The following TENT2 variants were observed in gnomAD, a reference collection of about 807,000 sequenced individuals.
TENT2 encodes terminal nucleotidyltransferase 2.
In TENT2, 44 loss-of-function variants were observed where a neutral mutation model predicts 72.2. The ratio of observed to expected loss-of-function variants is 0.61; its 90% CI spans 0.48 to 0.78. The LOEUF (loss-of-function observed/expected upper bound fraction) is 0.78. Among genes scored for constraint, TENT2 ranks in the 30% least tolerant of loss-of-function variants. The pLI, the probability that TENT2 is intolerant of heterozygous loss-of-function variation, is 0.00. For missense variants in TENT2, 541 were observed against 569.6 expected (o/e 0.95, Z 0.51); for synonymous variants, 212 against 192.5 (o/e 1.10, Z -0.84).
At chr5:79,661,211 T>C (rs1202171509) in intron 11 of TENT2, among the ~76,000 whole-genome samples, 2 of 152,308 alleles carry the variant, frequency 1.3e-5, no homozygotes, top group South Asian at 2.1e-4. Flanking sequence ...GTGTACAGTA[T>C]TTATAAAGTC....
chr5:79,647,705 G>T (rs1790265334), intron 8 of TENT2, among the ~76,000 whole-genome samples: 1 of 152,056 alleles, frequency 6.6e-6, no homozygotes, highest in Non-Finnish European at 1.5e-5. Flanking sequence ...TCTTTTCACA[G>T]AAAAAATTAG....
chr5:79,683,908 A>T (rs1225144489), intron 14 of TENT2, among the ~76,000 whole-genome samples: 3 of 125,818 alleles, frequency 2.4e-5, no homozygotes, highest in Non-Finnish European at 4.8e-5. Context: ...TGGGCGACAG[A>T]GCGAGACTCC....
chr5:79,675,495 G>A (rs953563930), intron 12 of TENT2, among the ~76,000 whole-genome samples: 7 of 152,168 alleles, frequency 4.6e-5, no homozygotes, highest in Admixed American at 1.3e-4. Context: ...ATTAACTATG[G>A]AAAGACAGTA....
At chr5:79,683,711 C>T (rs371714537) in intron 14 of TENT2, among the ~76,000 whole-genome samples, 28 of 151,110 alleles carry the variant, frequency 1.9e-4, no homozygotes, top group Non-Finnish European at 4.4e-5. Context: ...GTCAGGAGAT[C>T]GAGACCATCC....
Position 79,641,208 on chromosome 5 carries a change from A to G in TENT2, c.672+12A>G, listed in dbSNP as rs750709907. ...TTAAGGAAGAACCAGTAAGTAAGGA[A>G]ACATTTATTCCAAGTGTGTTTCTCA... On this transcript the variant is annotated intron_variant, in intron 6 of 14. Transcript: ENST00000453514. 1 of 1,532,956 alleles carries G rather than the reference A, an allele frequency of 6.5e-7. No individual in the cohort carries two copies. Among genetic ancestry groups the G allele is most frequent in the South Asian group, 1.3e-5 (1 of 76,858 alleles). 95.0% of individuals were successfully genotyped at this position (1,532,956 alleles called of 1,614,324 possible).
At chr5:79,677,753 T>C (rs934296535) in intron 12 of TENT2, among the ~76,000 whole-genome samples, 1 of 152,218 alleles carries the variant, frequency 6.6e-6, no homozygotes, top group African/African-American at 2.4e-5. Flanking sequence ...ATTGTTGTTG[T>C]AAAGAAACAA....
chr5:79,656,994 T>C lies in TENT2; in HGVS notation c.1064T>C (p.Ile355Thr), dbSNP rs778984399. ...CCCATCCTTCCATCCCTCCAAAAAA[T>C]TTACCCAGTAAGTGTTTCTTATAAA... ...PEPILPSLQK[I>T]YPESFSPAIQ... The change falls in exon 11 of 15, where the codon ATT (isoleucine) becomes ACT (threonine). Residue 355 changes from isoleucine (I) to threonine (T), a missense_variant. Transcript: ENST00000453514. The C allele has an allele frequency of 4.3e-5, 69 of 1,595,328 alleles. No homozygotes were observed. Among genetic ancestry groups the C allele is most frequent in the Non-Finnish European group, 5.8e-5 (67 of 1,164,648 alleles).
intron 9 of TENT2, 151 bp downstream of exon 9, chr5:79,648,844 C>T: frequency 1.3e-6 from 1 of 792,330 alleles, no homozygotes; most frequent in South Asian, 2.0e-5. Context: ...AAATCATATA[C>T]TGTCAGTTAT....
rs773876079 is a variant in TENT2, at chr5:79,619,696, T to A, written c.48T>A (p.His16Gln). Residue 16 changes from histidine to glutamine, a missense_variant, in exon 2 of 15, where the codon CAT becomes CAA. Coordinates refer to ENST00000453514, the MANE Select transcript of TENT2 (RefSeq NM_001114394.3). ...ILGRPPFTPNHQQHNNFFTLS... is the reference protein window; with the variant it reads ...ILGRPPFTPNQQQHNNFFTLS... The stretch of plus-strand genomic sequence containing the variant: ...GTCGCCCACCCTTCACTCCAAATCA[T>A]CAACAACATAATAACTTCTTTACCC... The A allele has an allele frequency of 1.2e-6, 2 of 1,613,850 alleles. No homozygotes were observed. Among genetic ancestry groups the A allele is most frequent in the Admixed American group, 1.7e-5 (1 of 60,002 alleles).
intron 12 of TENT2, among the ~76,000 whole-genome samples, chr5:79,672,276 G>T (rs556149933): frequency 2.4e-4 from 37 of 152,198 alleles, no homozygotes; most frequent in Non-Finnish European, 4.6e-4. Flanking sequence ...GGTAAATGGG[G>T]TATCCATCAC....
intron 4 of TENT2, among the ~76,000 whole-genome samples, chr5:79,637,284 A>T (rs1200720302): frequency 6.6e-6 from 1 of 152,000 alleles, no homozygotes; most frequent in Non-Finnish European, 1.5e-5. Flanking sequence ...AATACTTTGT[A>T]TGGGAATTGA....
chr5:79,615,075 G>C (rs1200779767), intron 1 of TENT2: 1 of 152,152 alleles, frequency 6.6e-6, no homozygotes, highest in Non-Finnish European at 1.5e-5. Context: ...TGTTTTGCAG[G>C]GGCTCCAGAG....
intron 11 of TENT2, among the ~76,000 whole-genome samples, chr5:79,660,678 T>C (rs1478161094): frequency 6.6e-6 from 1 of 152,202 alleles, no homozygotes; most frequent in Non-Finnish European, 1.5e-5. Flanking sequence ...TCTCATAAGA[T>C]GGTGATAGAG....
intron 11 of TENT2, among the ~76,000 whole-genome samples, chr5:79,666,978 A>G (rs577475110): frequency 1.7e-4 from 26 of 152,238 alleles, no homozygotes; most frequent in East Asian, 1.4e-3. Context: ...TTCTCCCTCA[A>G]TAAGCATGAC....
At chr5:79,641,555 C>T (rs1784498636) in intron 6 of TENT2, among the ~76,000 whole-genome samples, 1 of 150,614 alleles carries the variant, frequency 6.6e-6, no homozygotes, top group African/African-American at 2.4e-5. Context: ...TATTTCCTTT[C>T]CATTTGAATT....
At chr5:79,615,460 A>G (rs1011430861) in intron 1 of TENT2, among the ~76,000 whole-genome samples, 2 of 152,260 alleles carry the variant, frequency 1.3e-5, no homozygotes, top group African/African-American at 2.4e-5. Flanking sequence ...TTCTGAATAC[A>G]TATTTCTTCC....
chr5:79,644,557 A>G lies in TENT2; in HGVS notation c.752-566A>G, dbSNP rs549162325. The stretch of plus-strand genomic sequence containing the variant: ...TATGATATATGTATGTATGTAATAC[A>G]TATCTGTATGTGTATTTGAATTTCC... On this transcript the variant is annotated intron_variant, in intron 7 of 14. Coordinates refer to ENST00000453514, the MANE Select transcript of TENT2 (RefSeq NM_001114394.3). 7.9e-5 allele frequency: 12 copies of G among 152,320 alleles called. No individual in the cohort carries two copies. In the East Asian group the frequency reaches 2.3e-3, roughly 29 times the overall value. The allele number at this position is 152,320 out of a possible 1,614,324, so 9.4% of individuals were successfully genotyped here. A position where few individuals can be genotyped will look rare whatever the true frequency, so the allele number is the denominator to read the frequency against.
chr5:79,618,036 G>A (rs1376995980), intron 1 of TENT2, among the ~76,000 whole-genome samples: 1 of 151,640 alleles, frequency 6.6e-6, no homozygotes, highest in Non-Finnish European at 1.5e-5. Context: ...TATTTTTTCT[G>A]TTCTTTCTGG....
intron 4 of TENT2, among the ~76,000 whole-genome samples, chr5:79,628,489 G>A (rs1005730511): frequency 2.0e-5 from 3 of 152,194 alleles, no homozygotes; most frequent in Non-Finnish European, 2.9e-5. Flanking sequence ...CTAATGAGAG[G>A]TGCTGAAGCT....
Sources: gnomAD v4.1 joint callset for allele counts (sites outside exome capture counted in the v4.1 genomes callset) on GRCh38, gnomAD v4.1.1 for gene constraint, MANE v1.5 for transcripts, NCBI Gene and HGNC (gene_info 2026-07-23, HGNC 2026-07-21) for gene names.